Variants in CADM2 observed in about 807,000 individuals in gnomAD.
CADM2 encodes immunoglobulin superfamily member 4D.
A neutral mutation model predicts 49.8 loss-of-function variants in CADM2; 12 were observed. That is an observed-to-expected ratio of 0.24 (90% CI 0.15 to 0.39). The LOEUF (loss-of-function observed/expected upper bound fraction) is 0.39, where lower values mean the gene tolerates loss of function less well. Among genes scored for constraint, CADM2 ranks in the 10% least tolerant of loss-of-function variants. CADM2 has a pLI of 1.00. For synonymous variants in CADM2, 214 were observed against 175.4 expected, an observed-to-expected ratio of 1.22 and a Z score of -1.74; for missense variants, 378 against 492.3, an observed-to-expected ratio of 0.77 and a Z score of 2.20.
intron 1 of CADM2, among the ~76,000 whole-genome samples, chr3:85,299,092 A>T (rs568994789): frequency 6.6e-6 from 1 of 152,196 alleles, no homozygotes; most frequent in East Asian, 1.9e-4. Flanking sequence ...ATTATTTTTT[A>T]AAAATCTGTT....
chr3:85,159,345 C>T (rs2040243489), intron 1 of CADM2, among the ~76,000 whole-genome samples: 1 of 136,412 alleles, frequency 7.3e-6, no homozygotes. Context: ...TCAAATCCAT[C>T]TTCCCCAGGA....
intron 1 of CADM2, among the ~76,000 whole-genome samples, chr3:85,642,680 C>A (rs2064759380): frequency 6.6e-6 from 1 of 152,050 alleles, no homozygotes. Flanking sequence ...TGTGATTATA[C>A]CACTTGGAAA....
At chr3:85,338,725 G>A (rs751471828) in intron 1 of CADM2, among the ~76,000 whole-genome samples, 4 of 151,356 alleles carry the variant, frequency 2.6e-5, no homozygotes, top group African/African-American at 9.7e-5. Flanking sequence ...TAAGGTCTAT[G>A]TTCTTTTCAC....
intron 3 of CADM2, among the ~76,000 whole-genome samples, chr3:85,879,359 T>C (rs553826525): frequency 6.6e-6 from 1 of 152,148 alleles, no homozygotes; most frequent in Non-Finnish European, 1.5e-5. Flanking sequence ...TATATCTTCC[T>C]AAGCAATTAG....
At chr3:85,792,312 T>C (rs1443881256) in intron 2 of CADM2, among the ~76,000 whole-genome samples, 1 of 152,242 alleles carries the variant, frequency 6.6e-6, no homozygotes, top group Non-Finnish European at 1.5e-5. Context: ...ATACTTGATA[T>C]TGTTTATCTT....
At chr3:85,996,794 A>G (rs1729485030) in intron 8 of CADM2, among the ~76,000 whole-genome samples, 1 of 152,166 alleles carries the variant, frequency 6.6e-6, no homozygotes, top group African/African-American at 2.4e-5. Context: ...CTGAGAAGAC[A>G]GTTATTGAGA....
intron 3 of CADM2, among the ~76,000 whole-genome samples, chr3:85,867,015 T>C (rs560482474): frequency 6.6e-6 from 1 of 152,254 alleles, no homozygotes; most frequent in African/African-American, 2.4e-5. Flanking sequence ...AAAAAAGTAG[T>C]CATTTCTAAG....
intron 8 of CADM2, among the ~76,000 whole-genome samples, chr3:86,021,014 A>G (rs1013144045): frequency 6.6e-5 from 10 of 152,118 alleles, no homozygotes; most frequent in Non-Finnish European, 1.0e-4. Context: ...CTTTTGAGAC[A>G]GAGTCTTATT....
chr3:85,355,288 C>T (rs2031760663), intron 1 of CADM2, among the ~76,000 whole-genome samples: 1 of 152,000 alleles, frequency 6.6e-6, no homozygotes, highest in Non-Finnish European at 1.5e-5. Flanking sequence ...GCTGGCTTCT[C>T]CTTACTCCTT....
chr3:85,908,602 A>G lies in CADM2; in HGVS notation c.530-3771A>G, dbSNP rs571153978. On this transcript the variant is annotated intron_variant, in intron 5 of 9. Coordinates refer to ENST00000383699, the MANE Select transcript of CADM2 (RefSeq NM_001167675.2). ...CTGACATATGCAAAGTAAGCACAAT[A>G]ATAGAATGAGAAACTGCATGCCATC... 7.2e-5 allele frequency among the ~76,000 whole-genome samples: 11 copies of G among 152,266 alleles called. No individual in the cohort carries two copies. In the South Asian group the frequency reaches 1.2e-3, roughly 17 times the overall value.
chr3:85,872,280 C>G (rs1013638601), intron 3 of CADM2, among the ~76,000 whole-genome samples: 4 of 152,182 alleles, frequency 2.6e-5, no homozygotes, highest in African/African-American at 9.6e-5. Flanking sequence ...TCAGAGCTTT[C>G]TCTCTGGGTT....
chr3:85,875,646 A>G (rs1711724138), intron 3 of CADM2, among the ~76,000 whole-genome samples: 2 of 152,208 alleles, frequency 1.3e-5, no homozygotes, highest in Non-Finnish European at 2.9e-5. Context: ...ACTGAAAAAA[A>G]CATGGCTAGC....
chr3:85,119,165 C>A (rs1245762983), intron 1 of CADM2, among the ~76,000 whole-genome samples: 1 of 152,116 alleles, frequency 6.6e-6, no homozygotes, highest in Non-Finnish European at 1.5e-5. Flanking sequence ...GTAATCCCAA[C>A]CCTTGGGAGG....
chr3:85,326,064 T>C (rs1011223797), intron 1 of CADM2, among the ~76,000 whole-genome samples: 5 of 152,192 alleles, frequency 3.3e-5, no homozygotes, highest in African/African-American at 7.2e-5. Flanking sequence ...ATACACGATG[T>C]CCTCTTTTAA....
At chr3:85,715,942 T>C (rs999230144) in intron 1 of CADM2, among the ~76,000 whole-genome samples, 6 of 152,228 alleles carry the variant, frequency 3.9e-5, no homozygotes, top group Non-Finnish European at 7.3e-5. Flanking sequence ...TCTTTGCTAT[T>C]GTGAATAGTG....
intron 1 of CADM2, among the ~76,000 whole-genome samples, chr3:85,037,032 T>C (rs2035245652): frequency 6.7e-6 from 1 of 149,036 alleles, no homozygotes; most frequent in South Asian, 2.1e-4. Context: ...TAGCTGGTTG[T>C]GGTGGCAGGC....
intron 1 of CADM2, among the ~76,000 whole-genome samples, chr3:85,136,975 C>T (rs1436920789): frequency 1.3e-5 from 2 of 151,868 alleles, no homozygotes; most frequent in Non-Finnish European, 2.9e-5. Context: ...TTTCACACAA[C>T]GAAGTACCAA....
intron 1 of CADM2, among the ~76,000 whole-genome samples, chr3:85,535,438 AT>A (rs1427006874): frequency 1.3e-5 from 2 of 152,098 alleles, no homozygotes; most frequent in Non-Finnish European, 2.9e-5. Flanking sequence ...GGGAACGTTG[AT>A]TTCATTTTCT....
chr3:84,995,008 C>T (rs138147955), intron 1 of CADM2, among the ~76,000 whole-genome samples: 1,859 of 151,824 alleles, frequency 0.012, 37 homozygotes, highest in African/African-American at 0.042. Flanking sequence ...CCAGCCTGGG[C>T]GACAGTGTGA....
Sources: gnomAD v4.1 joint callset for allele counts (sites outside exome capture counted in the v4.1 genomes callset) on GRCh38, gnomAD v4.1.1 for gene constraint, MANE v1.5 for transcripts, NCBI Gene and HGNC (gene_info 2026-07-23, HGNC 2026-07-21) for gene names.